The following LRP1B variants were observed in gnomAD, a reference collection of about 807,000 sequenced individuals.
LRP1B encodes the protein low-density lipoprotein receptor-related protein 1B.
A neutral mutation model predicts 556.6 loss-of-function variants in LRP1B; 217 were observed. That is an observed-to-expected ratio of 0.39 (90% CI 0.35 to 0.44). The LOEUF is 0.44. Ranked by LOEUF, LRP1B falls within the 20% of genes least tolerant of loss-of-function variation. The probability of loss-of-function intolerance (pLI) is 1.00; values close to 1 mark genes in which losing one functional copy is unlikely to be tolerated. For synonymous variants in LRP1B, 2,047 were observed against 1,865.8 expected, an observed-to-expected ratio of 1.10 and a Z score of -2.50; for missense variants, 5,053 against 5,620.8, an observed-to-expected ratio of 0.90 and a Z score of 3.23.
At chr2:140,431,504 C>T (rs1230236986) in intron 66 of LRP1B, among the ~76,000 whole-genome samples, 1 of 152,164 alleles carries the variant, frequency 6.6e-6, no homozygotes, top group Non-Finnish European at 1.5e-5. Context: ...CTTGCTTACA[C>T]TGCCGATTTA....
intron 1 of LRP1B, among the ~76,000 whole-genome samples, chr2:141,826,504 T>C (rs1465041106): frequency 4.6e-5 from 7 of 151,730 alleles, no homozygotes; most frequent in East Asian, 3.9e-4. Flanking sequence ...GGACTACAGG[T>C]GCCCGCCACC....
At chr2:140,497,244 T>G (rs183991945) in intron 55 of LRP1B, among the ~76,000 whole-genome samples, 3 of 152,066 alleles carry the variant, frequency 2.0e-5, no homozygotes, top group Admixed American at 1.3e-4. Context: ...TATAATGGAC[T>G]TTTAAAATCT....
At chr2:141,794,935 A>G (rs1220014445) in intron 2 of LRP1B, among the ~76,000 whole-genome samples, 2 of 152,092 alleles carry the variant, frequency 1.3e-5, no homozygotes, top group Non-Finnish European at 2.9e-5. Flanking sequence ...GCTTGGAAAT[A>G]TTCTCTTTAA....
At chr2:141,967,961 A>G (rs1190688516) in intron 1 of LRP1B, among the ~76,000 whole-genome samples, 4 of 151,864 alleles carry the variant, frequency 2.6e-5, no homozygotes, top group African/African-American at 7.2e-5. Context: ...ATTTTTAAAA[A>G]AAGTATTAAA....
intron 27 of LRP1B, 106 bp downstream of exon 27, chr2:140,867,484 T>C: frequency 8.0e-7 from 1 of 1,254,220 alleles, no homozygotes; most frequent in Non-Finnish European, 1.1e-6. Context: ...ATGCGTAAAA[T>C]GTCAATAACT....
chr2:140,365,912 A>C (rs1000040200), intron 71 of LRP1B, among the ~76,000 whole-genome samples: 2 of 151,732 alleles, frequency 1.3e-5, no homozygotes, highest in African/African-American at 4.8e-5. Context: ...AGAAAGAGCC[A>C]TTGTTCCTTT....
chr2:141,050,119 A>G (rs1054829393), intron 10 of LRP1B, among the ~76,000 whole-genome samples: 13 of 151,942 alleles, frequency 8.6e-5, no homozygotes, highest in Non-Finnish European at 1.6e-4. Flanking sequence ...AAGATACAAA[A>G]GACTCAGCTG....
At chr2:142,117,216 T>C (rs1334984058) in intron 1 of LRP1B, among the ~76,000 whole-genome samples, 2 of 152,154 alleles carry the variant, frequency 1.3e-5, no homozygotes, top group Non-Finnish European at 2.9e-5. Context: ...CCATGTTAAG[T>C]CACAATTGGG....
intron 20 of LRP1B, among the ~76,000 whole-genome samples, chr2:140,945,623 C>G (rs1179798563): frequency 2.0e-5 from 3 of 151,912 alleles, no homozygotes; most frequent in East Asian, 3.9e-4. Flanking sequence ...ACTCCGTATT[C>G]AATAAATGGC....
chr2:141,292,677 C>T (rs1686023033), intron 3 of LRP1B, among the ~76,000 whole-genome samples: 1 of 152,102 alleles, frequency 6.6e-6, no homozygotes, highest in African/African-American at 2.4e-5. Flanking sequence ...TAAAAATTAT[C>T]ATGAGAAAAT....
chr2:141,083,807 T>C (rs774279049), intron 7 of LRP1B, among the ~76,000 whole-genome samples: 1 of 152,134 alleles, frequency 6.6e-6, no homozygotes, highest in African/African-American at 2.4e-5. Flanking sequence ...CGAGTCCTCA[T>C]TGGCAAGAGG....
chr2:141,824,539 T>C (rs1558900691), intron 1 of LRP1B, among the ~76,000 whole-genome samples: 1 of 152,170 alleles, frequency 6.6e-6, no homozygotes, highest in South Asian at 2.1e-4. Flanking sequence ...TAATTTTTTG[T>C]CTTTTTTAGT....
In LRP1B at chr2:141,028,846, A is replaced by T. The variant is rs1054199635; in HGVS notation, c.1790-8744T>A. 2.0e-5 allele frequency among the ~76,000 whole-genome samples: 3 copies of T among 152,278 alleles called. No homozygotes were observed. The East Asian group carries it at 5.8e-4, about 30-fold the overall frequency. On this transcript the variant is annotated intron_variant, in intron 11 of 90. Transcript: ENST00000389484. ...ATCTACCACTGAGCAAAACAAAGAA[A>T]ATCTCTTACCTATTGAAGCTTACAT...
At chr2:142,092,812 G>C (rs1200850765) in intron 1 of LRP1B, among the ~76,000 whole-genome samples, 1 of 152,040 alleles carries the variant, frequency 6.6e-6, no homozygotes, top group Non-Finnish European at 1.5e-5. Context: ...TTTCTAATCT[G>C]AGTAATTCTA....
intron 1 of LRP1B, among the ~76,000 whole-genome samples, chr2:141,984,170 A>T (rs907530839): frequency 3.3e-5 from 5 of 152,170 alleles, no homozygotes; most frequent in East Asian, 1.9e-4. Context: ...AGTTTTTTTT[A>T]AATTATACTT....
intron 53 of LRP1B, among the ~76,000 whole-genome samples, chr2:140,506,473 A>G (rs988858484): frequency 2.0e-5 from 3 of 151,888 alleles, no homozygotes; most frequent in Non-Finnish European, 4.4e-5. Context: ...CGAACTCCTG[A>G]CCTCAGGTGA....
rs745608270 is a variant in LRP1B, at chr2:141,188,467, G to C, written c.967C>G (p.Leu323Val). The change falls in exon 7 of 91, where the codon CTG (leucine) becomes GTG (valine). Residue 323 changes from leucine to valine, a missense_variant. Leu to Val is a conservative substitution (Grantham distance 32). This residue lies in a region of LRP1B where 3,619 missense variants were observed against 3,931.9 expected (regional missense o/e 0.92). Coordinates refer to ENST00000389484, the MANE Select transcript of LRP1B (RefSeq NM_018557.3). ...ATTGCTTTAGGATTGTGAAGCTCCA[G>C]ATCAATCAGGGTGACACATACAGAA... The part of the protein sequence containing the change: ...NGSVCVTLID[L>V]ELHNPKAIAV... 2 of 1,612,650 alleles carry C rather than the reference G, an allele frequency of 1.2e-6. No individual in the cohort carries two copies. Among genetic ancestry groups the C allele is most frequent in the East Asian group, 2.2e-5 (1 of 44,794 alleles).
At chr2:141,137,350 G>A (rs1434969668) in intron 7 of LRP1B, among the ~76,000 whole-genome samples, 2 of 151,782 alleles carry the variant, frequency 1.3e-5, no homozygotes, top group Non-Finnish European at 2.9e-5. Context: ...GCCAGAGACC[G>A]GCACTTCCTG....
Position 141,742,002 on chromosome 2 carries a change from C to T in LRP1B, c.205+68277G>A, listed in dbSNP as rs553037709. 4.6e-5 allele frequency among the ~76,000 whole-genome samples: 7 copies of T among 152,258 alleles called. No homozygotes were observed. The South Asian group carries it at 1.5e-3, about 32-fold the overall frequency. On this transcript the variant is annotated intron_variant, in intron 2 of 90. Transcript: ENST00000389484. ...ATGATAGGCGTCTAGCTTCATTCTT[C>T]TGCATATGAATATCCAGTTTTCCCT...
Sources: allele counts gnomAD v4.1 joint callset (sites outside exome capture counted in the v4.1 genomes callset), GRCh38; gene constraint gnomAD v4.1.1; regional missense constraint gnomAD v4.1.1; transcripts MANE v1.5; gene names NCBI Gene and HGNC (gene_info 2026-07-23, HGNC 2026-07-21).